COPS3: variants seen among roughly 807,000 people sequenced by gnomAD.
COPS3 encodes the protein COP9 signalosome complex subunit 3.
In COPS3, 10 loss-of-function variants were observed where a neutral mutation model predicts 58.2. The observed-to-expected ratio is 0.17, with a 90% confidence interval of 0.11 to 0.29. COPS3 has a LOEUF of 0.29. Among genes scored for constraint, COPS3 ranks in the 10% least tolerant of loss-of-function variants. The pLI is 1.00. For missense variants in COPS3, 333 were observed against 510.1 expected (o/e 0.65, Z 3.34); for synonymous variants, 187 against 181.7 (o/e 1.03, Z -0.24).
chr17:17,273,445 T>C (rs551405692), intron 2 of COPS3, among the ~76,000 whole-genome samples: 2 of 152,284 alleles, frequency 1.3e-5, no homozygotes, highest in Admixed American at 6.5e-5. Context: ...TATTTTCTTA[T>C]TTATATGAAA....
intron 2 of COPS3, among the ~76,000 whole-genome samples, chr17:17,273,054 T>C (rs1373765292): frequency 6.6e-6 from 1 of 152,242 alleles, no homozygotes; most frequent in Non-Finnish European, 1.5e-5. Context: ...TTTCTCTTGA[T>C]GTTATAGTAT....
chr17:17,278,808 A>AT (rs902857731), intron 1 of COPS3, among the ~76,000 whole-genome samples: 1 of 152,048 alleles, frequency 6.6e-6, no homozygotes, highest in Non-Finnish European at 1.5e-5. Context: ...AAAAAAAAAA[A>AT]GTTTAAGTGT....
intron 2 of COPS3, among the ~76,000 whole-genome samples, chr17:17,274,123 C>A (rs187189665): frequency 6.6e-6 from 1 of 152,034 alleles, no homozygotes. Context: ...AGGTGTTTAC[C>A]GTTGTATATG....
At chr17:17,271,830 C>CTATATA (rs1304508947) in intron 2 of COPS3, among the ~76,000 whole-genome samples, 9 of 75,912 alleles carry the variant, frequency 1.2e-4, no homozygotes, top group Admixed American at 4.3e-4. Context: ...AAAAAAAAAT[C>CTATATA]TATATATATC....
chr17:17,252,212 C>CACTT (rs1291861531), intron 9 of COPS3, among the ~76,000 whole-genome samples: 1 of 152,192 alleles, frequency 6.6e-6, no homozygotes, highest in Non-Finnish European at 1.5e-5. Context: ...TTTAGCCGTA[C>CACTT]ACTTAAGTGT....
intron 9 of COPS3, among the ~76,000 whole-genome samples, chr17:17,251,583 G>A (rs944645369): frequency 1.3e-5 from 2 of 151,884 alleles, no homozygotes; most frequent in East Asian, 1.9e-4. Context: ...CAGGCACCAC[G>A]CCCAGCCTGT....
In COPS3 at chr17:17,264,957, T is replaced by G; in HGVS notation, c.466A>C (p.Lys156Gln). The G allele has an allele frequency of 1.9e-6, 3 of 1,612,360 alleles. No individual in the cohort carries two copies. The highest frequency in any genetic ancestry group is 2.5e-6 in the Non-Finnish European group (3 of 1,179,710). Residue 156 changes from lysine (K) to glutamine (Q), a missense_variant, in exon 6 of 12, where the codon AAG (lysine) becomes CAG (glutamine). Transcript: ENST00000268717. ...CQLCLLAKCF[K>Q]PALPYLDVDM... The stretch of plus-strand genomic sequence containing the variant: ...ACGTCAAGATATGGAAGGGCAGGCT[T>G]AAAGCATTTTGCTAGCAAACAAAGC...
chr17:17,280,165 A>G (rs149254567), intron 1 of COPS3, among the ~76,000 whole-genome samples: 17,211 of 152,192 alleles, frequency 0.11, 1,214 homozygotes, highest in South Asian at 0.22. Flanking sequence ...TAATCCCAGC[A>G]CTTTGGGAGG....
At chr17:17,274,001 C>T (rs1193188620) in intron 2 of COPS3, among the ~76,000 whole-genome samples, 1 of 152,220 alleles carries the variant, frequency 6.6e-6, no homozygotes, top group Non-Finnish European at 1.5e-5. Context: ...TGAGTGACAT[C>T]AAGACCCTAT....
At chr17:17,266,358 TAA>T (rs1056421534) in intron 5 of COPS3, among the ~76,000 whole-genome samples, 1 of 152,218 alleles carries the variant, frequency 6.6e-6, no homozygotes, top group Admixed American at 6.6e-5. Context: ...TTTATGTCCA[TAA>T]AAAGTTTTTG....
At chr17:17,260,527 G>C in intron 7 of COPS3, 53 bp from the exon 8 acceptor site, 1 of 1,575,704 alleles carries the variant, frequency 6.3e-7, no homozygotes, top group Middle Eastern at 1.7e-4. Flanking sequence ...GAAGAGGCCA[G>C]GTGTGGGGAC....
At chr17:17,260,912 T>G (rs1008243558) in intron 7 of COPS3, among the ~76,000 whole-genome samples, 1 of 152,182 alleles carries the variant, frequency 6.6e-6, no homozygotes, top group Non-Finnish European at 1.5e-5. Flanking sequence ...ATATCCCATA[T>G]TGTCAGGTAA....
At chr17:17,267,795 T>G in intron 5 of COPS3, 90 bp downstream of exon 5, 1 of 1,323,324 alleles carries the variant, frequency 7.6e-7, no homozygotes. Flanking sequence ...TATCGCCAAC[T>G]TGCCTGTGTT....
intron 6 of COPS3, among the ~76,000 whole-genome samples, chr17:17,262,380 G>A (rs571127376): frequency 1.6e-3 from 239 of 152,200 alleles, no homozygotes; most frequent in African/African-American, 5.6e-3. Context: ...TCCTGCCTCA[G>A]CCTCCTGAGT....
intron 9 of COPS3, among the ~76,000 whole-genome samples, chr17:17,250,747 C>T (rs2047825079): frequency 6.6e-6 from 1 of 152,134 alleles, no homozygotes; most frequent in South Asian, 2.1e-4. Flanking sequence ...ATAACTTGTC[C>T]ATTTGTTAGC....
Position 17,267,790 on chromosome 17 carries a change from C to T in COPS3, c.441+95G>A, listed in dbSNP as rs559119360. ...ACTTCTATAACACATCACAATATCGCCAACTTGCCTGTGTTTATCAAACCC... is the reference window on the plus strand; with the variant it reads ...ACTTCTATAACACATCACAATATCGTCAACTTGCCTGTGTTTATCAAACCC... On this transcript the variant is annotated intron_variant, in intron 5 of 11. Transcript: ENST00000268717. 3.9e-6 allele frequency: 5 copies of T among 1,277,322 alleles called. No homozygotes were observed. In the East Asian group the frequency reaches 9.4e-5, roughly 24 times the overall value. The allele number at this position is 1,277,322 out of a possible 1,614,324, so 79.1% of individuals were successfully genotyped here.
chr17:17,269,510 C>T (rs969232025), intron 4 of COPS3, among the ~76,000 whole-genome samples: 2 of 151,964 alleles, frequency 1.3e-5, no homozygotes, highest in Admixed American at 1.3e-4. Context: ...GCACGAGAAT[C>T]GCCTGAAGCT....
At chr17:17,259,692 C>G (rs979471654) in intron 8 of COPS3, among the ~76,000 whole-genome samples, 5 of 152,020 alleles carry the variant, frequency 3.3e-5, no homozygotes, top group African/African-American at 9.7e-5. Flanking sequence ...CACAGGGGTT[C>G]GAGACCGCCT....
chr17:17,262,230 C>G (rs2048116851), intron 6 of COPS3, 124 bp from the exon 7 acceptor site: 2 of 885,994 alleles, frequency 2.3e-6, no homozygotes, highest in African/African-American at 1.7e-5. Context: ...ATTTTTATAA[C>G]AGCCTTATTG....
Sources: gnomAD v4.1 joint callset for allele counts (sites outside exome capture counted in the v4.1 genomes callset) on GRCh38, gnomAD v4.1.1 for gene constraint, MANE v1.5 for transcripts, NCBI Gene and HGNC (gene_info 2026-07-23, HGNC 2026-07-21) for gene names.